Variants in STAG1 observed in about 807,000 individuals in gnomAD.
The protein encoded by STAG1 is STAG1 cohesin complex component, also known as cohesin subunit SA-1.
Under a neutral mutation model 170.9 loss-of-function variants are expected in STAG1, and 26 were observed. That is an observed-to-expected ratio of 0.15 (90% confidence interval 0.11 to 0.21). The LOEUF is 0.21. Ranked by LOEUF, STAG1 falls within the 10% of genes least tolerant of loss-of-function variation. The probability of loss-of-function intolerance (pLI) is 1.00; values close to 1 mark genes in which losing one functional copy is unlikely to be tolerated. For synonymous variants in STAG1, 514 were observed against 497.7 expected, an observed-to-expected ratio of 1.03 and a Z score of -0.44; for missense variants, 964 against 1,509.5, an observed-to-expected ratio of 0.64 and a Z score of 5.99.
chr3:136,677,083 T>A (rs1243367251), intron 1 of STAG1, among the ~76,000 whole-genome samples: 1 of 152,176 alleles, frequency 6.6e-6, no homozygotes, highest in African/African-American at 2.4e-5. Flanking sequence ...GAGACTGTTT[T>A]ACAGTTAACA....
At chr3:136,640,966 C>G (rs950542078) in intron 1 of STAG1, among the ~76,000 whole-genome samples, 1 of 152,198 alleles carries the variant, frequency 6.6e-6, no homozygotes, top group Non-Finnish European at 1.5e-5. Flanking sequence ...TGAGCCACTG[C>G]GCCCGGCCCC....
At chr3:136,520,492 A>G (rs1036768641) in intron 7 of STAG1, among the ~76,000 whole-genome samples, 1 of 152,122 alleles carries the variant, frequency 6.6e-6, no homozygotes, top group Non-Finnish European at 1.5e-5. Flanking sequence ...CTCCATTATG[A>G]ATGAAAAAAA....
chr3:136,464,850 T>G (rs776825305), intron 13 of STAG1, 31 bp downstream of exon 13: 3 of 1,553,368 alleles, frequency 1.9e-6, no homozygotes, highest in Non-Finnish European at 1.8e-6. Context: ...CATAGAAAAG[T>G]AGAACCGGTT....
chr3:136,664,472 TG>T (rs1314134565), intron 1 of STAG1, among the ~76,000 whole-genome samples: 4 of 152,226 alleles, frequency 2.6e-5, no homozygotes, highest in Non-Finnish European at 4.4e-5. Flanking sequence ...TTTTAGCAAT[TG>T]GGGGTACCTA....
At chr3:136,388,527 C>T (rs1209571771) in intron 22 of STAG1, among the ~76,000 whole-genome samples, 4 of 152,086 alleles carry the variant, frequency 2.6e-5, no homozygotes, top group African/African-American at 7.2e-5. Flanking sequence ...CACCACCACG[C>T]CCAGCTAATT....
At chr3:136,662,445 C>T (rs1373084342) in intron 1 of STAG1, among the ~76,000 whole-genome samples, 2 of 152,088 alleles carry the variant, frequency 1.3e-5, no homozygotes, top group Non-Finnish European at 2.9e-5. Flanking sequence ...AACCACCATG[C>T]CTGGCCTTAG....
intron 1 of STAG1, among the ~76,000 whole-genome samples, chr3:136,721,051 A>C (rs1345815624): frequency 6.6e-6 from 1 of 152,224 alleles, no homozygotes; most frequent in African/African-American, 2.4e-5. Context: ...CATTCTCCGA[A>C]TCCAGCAGTT....
intron 29 of STAG1, 67 bp from the exon 30 acceptor site, chr3:136,344,073 T>G (rs908728023): frequency 7.8e-7 from 1 of 1,275,052 alleles, no homozygotes; most frequent in East Asian, 2.6e-5. Context: ...AGTCATAGCA[T>G]AGACTTGTGA....
At chr3:136,735,706 G>A (rs534958232) in intron 1 of STAG1, among the ~76,000 whole-genome samples, 10 of 152,152 alleles carry the variant, frequency 6.6e-5, no homozygotes, top group Non-Finnish European at 8.8e-5. Context: ...TCCAACTCCC[G>A]GGTTCAAGCG....
intron 29 of STAG1, among the ~76,000 whole-genome samples, chr3:136,346,106 A>G (rs1034779416): frequency 6.6e-6 from 1 of 152,182 alleles, no homozygotes; most frequent in African/African-American, 2.4e-5. Context: ...TCCTGTATTC[A>G]TTAAAAGTTT....
intron 4 of STAG1, among the ~76,000 whole-genome samples, chr3:136,580,316 AAAG>A (rs1333619064): frequency 5.9e-5 from 9 of 151,858 alleles, no homozygotes; most frequent in African/African-American, 1.9e-4. Flanking sequence ...TAAAAATAAA[AAAG>A]AAGAAAATAA....
intron 23 of STAG1, among the ~76,000 whole-genome samples, chr3:136,372,199 G>T (rs978751503): frequency 3.9e-5 from 6 of 152,302 alleles, no homozygotes; most frequent in Admixed American, 3.9e-4. Context: ...CATTGATTTT[G>T]TATCCTGAGA....
chr3:136,493,447 G>T (rs1041859046), intron 9 of STAG1, among the ~76,000 whole-genome samples: 1 of 152,062 alleles, frequency 6.6e-6, no homozygotes, highest in South Asian at 2.1e-4. Flanking sequence ...TTGAGTCCAG[G>T]AGTTCAACAC....
At chr3:136,393,474 T>C (rs1291748625) in intron 22 of STAG1, among the ~76,000 whole-genome samples, 1 of 151,914 alleles carries the variant, frequency 6.6e-6, no homozygotes, top group East Asian at 1.9e-4. Context: ...GCCACTGAGC[T>C]CCAGCCTGGG....
chr3:136,587,000 A>G (rs1177807114), intron 4 of STAG1: 1 of 418,042 alleles, frequency 2.4e-6, no homozygotes, highest in African/African-American at 2.1e-5. Context: ...GATAGCTACC[A>G]CTAACTCTGG....
intron 3 of STAG1, among the ~76,000 whole-genome samples, chr3:136,617,551 G>T (rs547863471): frequency 2.0e-5 from 3 of 152,322 alleles, no homozygotes; most frequent in African/African-American, 7.2e-5. Context: ...GAATGTTCCT[G>T]AAAGATTGAC....
At chr3:136,345,898 C>T (rs529445609) in intron 29 of STAG1, among the ~76,000 whole-genome samples, 1 of 152,306 alleles carries the variant, frequency 6.6e-6, no homozygotes, top group South Asian at 2.1e-4. Flanking sequence ...AAGCTCACTA[C>T]TCAATCTCTT....
intron 1 of STAG1, among the ~76,000 whole-genome samples, chr3:136,648,975 C>T (rs1352579652): frequency 6.6e-6 from 1 of 152,148 alleles, no homozygotes; most frequent in Non-Finnish European, 1.5e-5. Context: ...ATTCCAATTC[C>T]TAAACATAGC....
intron 9 of STAG1, among the ~76,000 whole-genome samples, chr3:136,499,091 G>A (rs1431913769): frequency 6.6e-6 from 1 of 152,164 alleles, no homozygotes; most frequent in Non-Finnish European, 1.5e-5. Flanking sequence ...CACAAATACT[G>A]TATTTTCAAT....
Sources: allele counts gnomAD v4.1 joint callset (sites outside exome capture counted in the v4.1 genomes callset), GRCh38; gene constraint gnomAD v4.1.1; transcripts MANE v1.5; gene names NCBI Gene and HGNC (gene_info 2026-07-23, HGNC 2026-07-21).